Variants in SCLT1 observed in about 807,000 individuals in gnomAD.
SCLT1 encodes the protein sodium channel and clathrin linker 1.
In SCLT1, 78 loss-of-function variants were observed where a neutral mutation model predicts 112.8. The observed-to-expected ratio is 0.69, with a 90% confidence interval of 0.58 to 0.83. The LOEUF (loss-of-function observed/expected upper bound fraction) is 0.83. Among genes scored for constraint, SCLT1 ranks in the 40% least tolerant of loss-of-function variants. The probability of loss-of-function intolerance (pLI) is 0.00; values close to 1 mark genes in which losing one functional copy is unlikely to be tolerated. For synonymous variants in SCLT1, 257 were observed against 254.7 expected (o/e 1.01, Z -0.09); for missense variants, 747 against 770.4 (o/e 0.97, Z 0.36).
downstream of SCLT1, among the ~76,000 whole-genome samples, chr4:128,879,129 A>G (rs1732587272): frequency 6.6e-6 from 1 of 152,168 alleles, no homozygotes; most frequent in African/African-American, 2.4e-5. Context: ...AAGTATTAAA[A>G]AAAAAAAAGC....
At chr4:129,059,233 A>G (rs1347922711) in intron 2 of SCLT1, among the ~76,000 whole-genome samples, 2 of 152,154 alleles carry the variant, frequency 1.3e-5, no homozygotes, top group Admixed American at 1.3e-4. Context: ...TTATCCATTC[A>G]GCATGTCTTT....
intron 2 of SCLT1, among the ~76,000 whole-genome samples, chr4:129,077,985 A>G (rs1751606158): frequency 6.6e-6 from 1 of 152,174 alleles, no homozygotes; most frequent in African/African-American, 2.4e-5. Flanking sequence ...AGCAAGGTCC[A>G]TGGGGATGGG....
intron 9 of SCLT1, among the ~76,000 whole-genome samples, chr4:128,981,178 T>C (rs1459022460): frequency 1.3e-5 from 2 of 152,200 alleles, no homozygotes; most frequent in Non-Finnish European, 2.9e-5. Context: ...TGCTGTGACA[T>C]GGTAAGATAT....
At chr4:129,077,208 C>T (rs1164705679) in intron 2 of SCLT1, among the ~76,000 whole-genome samples, 2 of 152,110 alleles carry the variant, frequency 1.3e-5, no homozygotes, top group African/African-American at 2.4e-5. Flanking sequence ...AAAGAATTTT[C>T]ACCATTACAC....
chr4:129,025,362 G>A (rs931479289), intron 5 of SCLT1, among the ~76,000 whole-genome samples: 3 of 150,684 alleles, frequency 2.0e-5, no homozygotes, highest in African/African-American at 7.4e-5. Flanking sequence ...TGGCAGAAAC[G>A]CTACAAGCCA....
At chr4:128,976,429 TAATC>T (rs1741181094) in intron 9 of SCLT1, among the ~76,000 whole-genome samples, 2 of 152,236 alleles carry the variant, frequency 1.3e-5, no homozygotes, top group South Asian at 4.1e-4. Flanking sequence ...TATTAATTCA[TAATC>T]TATTATTGAT....
rs1000911638 is a variant in SCLT1, at chr4:129,093,447, G to A, written c.-344C>T. ...TAGGAGAGTGCCGCGGGAGCTTGAC[G>A]GCAGCCTGAGAGCGGCGTTCTACGC... is the stretch of plus-strand genomic sequence containing the variant. On this transcript the variant is annotated 5_prime_UTR_variant, in exon 1 of 21. Coordinates refer to ENST00000281142, the MANE Select transcript of SCLT1 (RefSeq NM_144643.4). The A allele has an allele frequency of 3.5e-5, 10 of 284,276 alleles. No individual in the cohort carries two copies. Among genetic ancestry groups the A allele is most frequent in the Non-Finnish European group, 6.6e-5 (10 of 151,906 alleles). 17.6% of individuals were successfully genotyped at this position (284,276 alleles called of 1,614,324 possible). A position where few individuals can be genotyped will look rare whatever the true frequency, so the allele number is the denominator to read the frequency against.
intron 2 of SCLT1, among the ~76,000 whole-genome samples, chr4:129,063,673 G>A (rs151088931): frequency 3.3e-5 from 5 of 152,308 alleles, no homozygotes. Context: ...GCTTATGAGT[G>A]GGTCTGCTGA....
chr4:128,939,974 G>A (rs1737543632), intron 17 of SCLT1, among the ~76,000 whole-genome samples: 1 of 152,096 alleles, frequency 6.6e-6, no homozygotes. Context: ...ATTATAGCTA[G>A]TTAGTTAAGA....
intron 15 of SCLT1, among the ~76,000 whole-genome samples, chr4:128,946,812 C>T (rs1359436010): frequency 1.3e-5 from 2 of 152,150 alleles, no homozygotes; most frequent in African/African-American, 4.8e-5. Context: ...TCTGGGTTAC[C>T]TGGACAATGA....
At chr4:128,952,618 C>A (rs1738852094) in intron 14 of SCLT1, 151 bp downstream of exon 14, 1 of 634,818 alleles carries the variant, frequency 1.6e-6, no homozygotes, top group Non-Finnish European at 2.8e-6. Context: ...CTGCTGCAAA[C>A]ATGTCTATCT....
In SCLT1 at chr4:129,024,920, G is replaced by A. The variant is rs1260374015; in HGVS notation, c.290+14121C>T. Among the ~76,000 whole-genome samples the A allele has an allele frequency of 3.7e-3, 569 of 152,194 alleles. 1 individual carries two copies. Among genetic ancestry groups the A allele is most frequent in the African/African-American group, 0.011 (469 of 41,546 alleles). The stretch of plus-strand genomic sequence containing the variant: ...GAAGAATGCAGAAGCCTCAGGAGCC[G>A]ATGCGATCAACTGGAAGAAAGGGTA... On this transcript the variant is annotated intron_variant, in intron 5 of 20. Transcript: ENST00000281142.
chr4:129,065,360 C>T lies in SCLT1; in HGVS notation c.102+16946G>A, dbSNP rs930194917. Among the ~76,000 whole-genome samples the T allele has an allele frequency of 5.9e-5, 9 of 151,802 alleles. No homozygotes were observed. The South Asian group carries it at 6.2e-4, about 10-fold the overall frequency. The stretch of plus-strand genomic sequence containing the variant: ...ATAGTTGGTTTTGTGTGTGTGTATG[C>T]GTGTGCACTTTAAGTACTTAGAATG... On this transcript the variant is annotated intron_variant, in intron 2 of 20. Transcript: ENST00000281142.
intron 2 of SCLT1, among the ~76,000 whole-genome samples, chr4:129,070,992 T>C (rs997668388): frequency 6.6e-6 from 1 of 152,178 alleles, no homozygotes; most frequent in African/African-American, 2.4e-5. Flanking sequence ...GTCATTCAGT[T>C]AGAAGAATTT....
At chr4:128,911,139 G>A (rs1338325987) in intron 18 of SCLT1, among the ~76,000 whole-genome samples, 1 of 152,132 alleles carries the variant, frequency 6.6e-6, no homozygotes, top group Non-Finnish European at 1.5e-5. Context: ...GGTGGCAGGA[G>A]CCTGTAATCC....
chr4:129,033,635 G>A (rs1440824221), intron 5 of SCLT1, among the ~76,000 whole-genome samples: 1 of 151,800 alleles, frequency 6.6e-6, no homozygotes, highest in Non-Finnish European at 1.5e-5. Context: ...GCTCAGGAAT[G>A]CCTCCTTGAT....
At position 129,093,273 on chromosome 4, in the gene SCLT1, T is replaced by C. The variant is rs1753021056; in HGVS notation, c.-170A>G. On this transcript the variant is annotated 5_prime_UTR_variant, in exon 1 of 21. Transcript: ENST00000281142. The stretch of plus-strand genomic sequence containing the variant: ...GGCATCTACAGCCCCGCCACGCTTC[T>C]TTCCCCCGCGCCCCAGACGAGTCCC... 2 of 637,208 alleles carry C rather than the reference T, an allele frequency of 3.1e-6. No individual in the cohort carries two copies. Among genetic ancestry groups the C allele is most frequent in the Admixed American group, 2.6e-5 (1 of 37,928 alleles). 39.5% of individuals were successfully genotyped at this position (637,208 alleles called of 1,614,324 possible). A position where few individuals can be genotyped will look rare whatever the true frequency, so the allele number is the denominator to read the frequency against.
intron 2 of SCLT1, among the ~76,000 whole-genome samples, chr4:129,047,895 GATAA>G (rs1748341479): frequency 6.6e-6 from 1 of 152,022 alleles, no homozygotes; most frequent in Non-Finnish European, 1.5e-5. Flanking sequence ...TCTCTTGTCA[GATAA>G]ATAGTTTTCA....
intron 15 of SCLT1, among the ~76,000 whole-genome samples, 148 bp downstream of exon 15, chr4:128,948,335 CAAAAAAAAAAAAA>C (rs11312069): frequency 1.0e-4 from 5 of 47,962 alleles, no homozygotes; most frequent in African/African-American, 1.4e-4. Context: ...GACTCCATTG[CAAAAAAAAAAAAA>C]AAAAAAAAAA....
Sources: allele counts gnomAD v4.1 joint callset (sites outside exome capture counted in the v4.1 genomes callset), GRCh38; gene constraint gnomAD v4.1.1; transcripts MANE v1.5; gene names NCBI Gene and HGNC (gene_info 2026-07-23, HGNC 2026-07-21).